Variants in TBC1D5 observed in about 807,000 individuals in gnomAD.
The protein encoded by TBC1D5 is TBC1 domain family, member 5.
TBC1D5 carries 75 observed loss-of-function variants against 100.3 expected under a neutral mutation model. The observed-to-expected ratio is 0.75, with a 90% CI of 0.62 to 0.91. The LOEUF is 0.91. Among genes scored for constraint, TBC1D5 ranks in the 40% least tolerant of loss-of-function variants. The pLI, the probability that TBC1D5 is intolerant of heterozygous loss-of-function variation, is 0.00. For synonymous variants in TBC1D5, 323 were observed against 325.6 expected, an observed-to-expected ratio of 0.99 and a Z score of 0.09; for missense variants, 910 against 942.4, an observed-to-expected ratio of 0.97 and a Z score of 0.45.
chr3:17,524,304 A>C (rs939997853), intron 2 of TBC1D5, among the ~76,000 whole-genome samples: 2 of 152,230 alleles, frequency 1.3e-5, no homozygotes, highest in East Asian at 3.8e-4. Flanking sequence ...TTGAAGAAAT[A>C]GGCATTTTGA....
chr3:17,180,485 G>A (rs368157139), intron 19 of TBC1D5, among the ~76,000 whole-genome samples: 19 of 152,306 alleles, frequency 1.2e-4, no homozygotes, highest in African/African-American at 4.6e-4. Context: ...CAAAAACATA[G>A]GGCGATATAG....
chr3:17,706,267 C>G, intron 1 of TBC1D5: 1 of 1,548,076 alleles, frequency 6.5e-7, no homozygotes, highest in East Asian at 2.4e-5. Flanking sequence ...TTCACATACT[C>G]AGCTCTAAAG....
At chr3:17,451,732 C>T (rs1257571144) in intron 3 of TBC1D5, among the ~76,000 whole-genome samples, 1 of 152,052 alleles carries the variant, frequency 6.6e-6, no homozygotes, top group Non-Finnish European at 1.5e-5. Context: ...TGTAACAAAC[C>T]TGCATATTCT....
At chr3:17,722,295 A>C (rs1320193375) in intron 1 of TBC1D5, among the ~76,000 whole-genome samples, 1 of 152,208 alleles carries the variant, frequency 6.6e-6, no homozygotes, top group East Asian at 1.9e-4. Flanking sequence ...GAAGTGTTTC[A>C]GATTTTTTTT....
At chr3:17,731,490 G>A (rs1577876301) in intron 1 of TBC1D5, among the ~76,000 whole-genome samples, 4 of 118,804 alleles carry the variant, frequency 3.4e-5, no homozygotes, top group Admixed American at 3.2e-4. Flanking sequence ...CGGCGACAAA[G>A]CAAGACTCTG....
At chr3:17,517,628 T>C (rs988447895) in intron 2 of TBC1D5, among the ~76,000 whole-genome samples, 2 of 152,198 alleles carry the variant, frequency 1.3e-5, no homozygotes, top group Non-Finnish European at 2.9e-5. Context: ...AGTTTTTTGA[T>C]TATAAAAGCA....
intron 13 of TBC1D5, among the ~76,000 whole-genome samples, chr3:17,350,422 G>A (rs1463035260): frequency 6.6e-6 from 1 of 152,084 alleles, no homozygotes; most frequent in East Asian, 1.9e-4. Context: ...CAGAGTCAAA[G>A]AGCTGCTTTT....
intron 4 of TBC1D5, among the ~76,000 whole-genome samples, chr3:17,416,268 C>G (rs1407351970): frequency 6.6e-6 from 1 of 152,186 alleles, no homozygotes; most frequent in East Asian, 1.9e-4. Context: ...CTACATCTGA[C>G]TCCCCAATAT....
chr3:17,516,647 G>A (rs1273460719), intron 2 of TBC1D5, among the ~76,000 whole-genome samples: 2 of 152,130 alleles, frequency 1.3e-5, no homozygotes, highest in African/African-American at 4.8e-5. Flanking sequence ...CTTGAGGGCA[G>A]AGAAAGTATT....
chr3:17,496,464 A>G (rs1254908448), intron 3 of TBC1D5, among the ~76,000 whole-genome samples: 4 of 151,308 alleles, frequency 2.6e-5, no homozygotes, highest in Non-Finnish European at 4.4e-5. Context: ...ACACACACGC[A>G]CACACACACA....
rs556168072 is a variant in TBC1D5, at chr3:17,344,643, A to G, written c.995+27432T>C. Among the ~76,000 whole-genome samples, 123 of 152,368 alleles carry G rather than the reference A, an allele frequency of 8.1e-4. 2 individuals are homozygous for G. In the East Asian group the frequency reaches 0.012, roughly 15 times the overall value. ...AAGCCAAAAGAACGAAGCTGGAGGC[A>G]TCATGCTACCTGACTTCAAACTATA... On this transcript the variant is annotated intron_variant, in intron 13 of 21. Coordinates refer to ENST00000253692, the Ensembl canonical transcript of TBC1D5.
chr3:17,562,925 T>C (rs966161516), intron 2 of TBC1D5, among the ~76,000 whole-genome samples: 16 of 152,300 alleles, frequency 1.1e-4, no homozygotes, highest in African/African-American at 3.4e-4. Context: ...AATAATGATA[T>C]AAAGGGAATA....
chr3:17,559,258 A>G (rs2096541962), intron 2 of TBC1D5, among the ~76,000 whole-genome samples: 1 of 151,810 alleles, frequency 6.6e-6, no homozygotes, highest in Non-Finnish European at 1.5e-5. Context: ...CTCCTGCCTC[A>G]GCCTCCCAAG....
chr3:17,371,674 G>C (rs2092466433), intron 13 of TBC1D5, among the ~76,000 whole-genome samples: 1 of 152,140 alleles, frequency 6.6e-6, no homozygotes, highest in Admixed American at 6.6e-5. Flanking sequence ...AAATGGAGAA[G>C]GAACAGTTGT....
chr3:17,471,579 G>C (rs1484879619), intron 3 of TBC1D5, among the ~76,000 whole-genome samples: 2 of 140,612 alleles, frequency 1.4e-5, no homozygotes, highest in African/African-American at 3.0e-5. Flanking sequence ...AAATAGGCAG[G>C]AGAATGGCGT....
intron 14 of TBC1D5, among the ~76,000 whole-genome samples, chr3:17,303,420 T>C (rs889253291): frequency 8.5e-5 from 13 of 152,202 alleles, no homozygotes; most frequent in African/African-American, 3.1e-4. Flanking sequence ...GTTTTCTTGG[T>C]CACTCTTTTT....
intron 2 of TBC1D5, among the ~76,000 whole-genome samples, chr3:17,545,866 T>TGTCACCC (rs1418516231): frequency 1.3e-5 from 2 of 152,216 alleles, no homozygotes; most frequent in East Asian, 3.8e-4. Flanking sequence ...GCACCCTTCT[T>TGTCACCC]GTCACCCTTC....
At chr3:17,722,255 A>G (rs960967695) in intron 1 of TBC1D5, among the ~76,000 whole-genome samples, 1 of 152,220 alleles carries the variant, frequency 6.6e-6, no homozygotes, top group South Asian at 2.1e-4. Flanking sequence ...ACTCAGCACA[A>G]GTATCCCTTA....
intron 16 of TBC1D5, among the ~76,000 whole-genome samples, chr3:17,254,068 CA>C (rs1395372864): frequency 6.6e-6 from 1 of 152,172 alleles, no homozygotes; most frequent in Non-Finnish European, 1.5e-5. Context: ...AGTAGTATTC[CA>C]TTATTTGAAT....
Sources: gnomAD v4.1 joint callset for allele counts (sites outside exome capture counted in the v4.1 genomes callset) on GRCh38, gnomAD v4.1.1 for gene constraint, MANE v1.5 for transcripts, NCBI Gene and HGNC (gene_info 2026-07-23, HGNC 2026-07-21) for gene names.